The following CPNE4 variants were observed in gnomAD, a reference collection of about 807,000 sequenced individuals.
CPNE4 encodes the protein copine 4, also known as copine-4.
In CPNE4, 25 loss-of-function variants were observed where a neutral mutation model predicts 67.9. The ratio of observed to expected loss-of-function variants is 0.37; its 90% CI spans 0.27 to 0.51. The LOEUF (loss-of-function observed/expected upper bound fraction) is 0.51, where lower values mean the gene tolerates loss of function less well. Ranked by LOEUF, CPNE4 falls within the 20% of genes least tolerant of loss-of-function variation. The probability of loss-of-function intolerance (pLI) is 0.93; values close to 1 mark genes in which losing one functional copy is unlikely to be tolerated. For missense variants in CPNE4, 464 were observed against 690.8 expected (o/e 0.67, Z 3.68); for synonymous variants, 242 against 244.9 (o/e 0.99, Z 0.11).
chr3:131,961,949 A>G (rs2072193983), intron 1 of CPNE4, among the ~76,000 whole-genome samples: 1 of 152,144 alleles, frequency 6.6e-6, no homozygotes, highest in South Asian at 2.1e-4. Context: ...ACGTTTCTCA[A>G]CGTTATCTCT....
chr3:131,582,776 C>CT (rs1937922881), intron 8 of CPNE4, among the ~76,000 whole-genome samples: 1 of 152,146 alleles, frequency 6.6e-6, no homozygotes, highest in Non-Finnish European at 1.5e-5. Flanking sequence ...CTACAATGGT[C>CT]TCCAGGAGGA....
chr3:131,771,603 T>C (rs954729002), intron 2 of CPNE4, among the ~76,000 whole-genome samples: 5 of 152,254 alleles, frequency 3.3e-5, no homozygotes, highest in Admixed American at 3.3e-4. Flanking sequence ...GGAAGCAGCC[T>C]GAGACCTCAC....
At chr3:131,924,482 G>A (rs1000335449) in intron 1 of CPNE4, among the ~76,000 whole-genome samples, 1 of 152,122 alleles carries the variant, frequency 6.6e-6, no homozygotes, top group Admixed American at 6.6e-5. Flanking sequence ...CTTGAAATGT[G>A]TATAGCAGTG....
intron 7 of CPNE4, among the ~76,000 whole-genome samples, chr3:131,601,309 A>G (rs1451292933): frequency 1.3e-5 from 2 of 152,148 alleles, no homozygotes; most frequent in Non-Finnish European, 2.9e-5. Flanking sequence ...ATCAACTACA[A>G]TAGACTAGGA....
intron 2 of CPNE4, among the ~76,000 whole-genome samples, chr3:131,834,906 G>A (rs950623173): frequency 6.6e-6 from 1 of 152,174 alleles, no homozygotes; most frequent in Admixed American, 6.5e-5. Flanking sequence ...CAAAGGACAT[G>A]AGTAAGTAAT....
At chr3:131,781,527 C>T (rs190853557) in intron 2 of CPNE4, among the ~76,000 whole-genome samples, 56 of 152,130 alleles carry the variant, frequency 3.7e-4, no homozygotes, top group African/African-American at 1.3e-3. Flanking sequence ...GTATAGTCTC[C>T]TTCTAAATAA....
chr3:131,892,652 T>C (rs778203683), intron 2 of CPNE4, among the ~76,000 whole-genome samples: 16 of 152,074 alleles, frequency 1.1e-4, no homozygotes, highest in Non-Finnish European at 1.8e-4. Flanking sequence ...GAACACATAA[T>C]GGATTTTTTT....
chr3:131,558,354 G>C (rs958794157), intron 11 of CPNE4, among the ~76,000 whole-genome samples: 1 of 151,980 alleles, frequency 6.6e-6, no homozygotes, highest in Non-Finnish European at 1.5e-5. Flanking sequence ...ACAAAAGAAA[G>C]CATCTGTATA....
chr3:132,029,580 T>C (rs1386148167), intron 1 of CPNE4, among the ~76,000 whole-genome samples: 1 of 151,952 alleles, frequency 6.6e-6, no homozygotes, highest in Non-Finnish European at 1.5e-5. Context: ...CTGATTTTGC[T>C]CCTCCCCTAC....
At chr3:131,792,148 G>A (rs976251228) in intron 2 of CPNE4, among the ~76,000 whole-genome samples, 7 of 151,892 alleles carry the variant, frequency 4.6e-5, no homozygotes, top group Admixed American at 6.6e-5. Context: ...AATGATATAG[G>A]GGTGTTGCCA....
chr3:131,899,059 G>A (rs758584290), intron 2 of CPNE4, among the ~76,000 whole-genome samples: 8 of 152,094 alleles, frequency 5.3e-5, no homozygotes, highest in Non-Finnish European at 8.8e-5. Flanking sequence ...TGAGAAAGAA[G>A]CTTGTCTGTG....
At chr3:131,906,660 C>T (rs1049210560) in intron 1 of CPNE4, among the ~76,000 whole-genome samples, 2 of 151,908 alleles carry the variant, frequency 1.3e-5, no homozygotes, top group Non-Finnish European at 2.9e-5. Context: ...CATTGTTGGA[C>T]ATTTGGGTTG....
intron 2 of CPNE4, among the ~76,000 whole-genome samples, chr3:131,892,620 A>G (rs9876011): frequency 0.2 from 30,937 of 151,562 alleles, 3,833 homozygotes; most frequent in Non-Finnish European, 0.27. Flanking sequence ...AAAAACAACA[A>G]AAGCTACATT....
intron 2 of CPNE4, among the ~76,000 whole-genome samples, chr3:131,894,053 A>G (rs1374004401): frequency 6.6e-6 from 1 of 151,966 alleles, no homozygotes; most frequent in Non-Finnish European, 1.5e-5. Context: ...AAAATTGACA[A>G]AACCTTTAGA....
At chr3:131,883,727 A>G (rs1189094065) in intron 2 of CPNE4, among the ~76,000 whole-genome samples, 1 of 151,326 alleles carries the variant, frequency 6.6e-6, no homozygotes, top group South Asian at 2.1e-4. Context: ...TATTGTGGTA[A>G]GAACACTTGA....
rs1286157236 is a variant in CPNE4 at position 131,811,383 on chromosome 3, A to AAT, written c.181-87760_181-87759dup. On this transcript the variant is annotated intron_variant, in intron 2 of 15. Coordinates refer to ENST00000429747, the MANE Select transcript of CPNE4 (RefSeq NM_130808.3). ...TGTATCTCAGTAGAGTGGTTTAAAA[A>AAT]ATATATATATATAAAGATGTTTTCC... 3.8e-3 allele frequency among the ~76,000 whole-genome samples: 581 copies of AAT among 151,932 alleles called. 5 individuals are homozygous for AAT. Among genetic ancestry groups the AAT allele is most frequent in the African/African-American group, 0.013 (538 of 41,470 alleles).
chr3:131,877,978 A>G (rs1391063310), intron 2 of CPNE4, among the ~76,000 whole-genome samples: 1 of 152,238 alleles, frequency 6.6e-6, no homozygotes, highest in African/African-American at 2.4e-5. Flanking sequence ...AAGACAGGCA[A>G]TATAAAATGT....
At chr3:132,007,583 G>T (rs2073643032) in intron 1 of CPNE4, among the ~76,000 whole-genome samples, 1 of 151,812 alleles carries the variant, frequency 6.6e-6, no homozygotes, top group Admixed American at 6.6e-5. Flanking sequence ...GTATGCCTTG[G>T]AGTTGTGCCA....
intron 1 of CPNE4, among the ~76,000 whole-genome samples, chr3:132,021,453 T>C (rs1285754603): frequency 1.3e-5 from 2 of 152,338 alleles, no homozygotes; most frequent in African/African-American, 4.8e-5. Context: ...AATAAAAATA[T>C]GCTCCAAATG....
Sources: gnomAD v4.1 joint callset for allele counts (sites outside exome capture counted in the v4.1 genomes callset) on GRCh38, gnomAD v4.1.1 for gene constraint, MANE v1.5 for transcripts, NCBI Gene and HGNC (gene_info 2026-07-23, HGNC 2026-07-21) for gene names.